MSN: variants seen among roughly 807,000 people sequenced by gnomAD.
The protein encoded by MSN is moesin, also known as epididymis luminal protein 70.
A neutral mutation model predicts 48.0 loss-of-function variants in MSN; 2 were observed. That is an observed-to-expected ratio of 0.04 (90% CI 0.02 to 0.13). MSN has a LOEUF of 0.13. Ranked by LOEUF, MSN falls within the 10% of genes least tolerant of loss-of-function variation. The pLI, the probability that MSN is intolerant of heterozygous loss-of-function variation, is 1.00. For missense variants in MSN, 267 were observed against 470.1 expected, an observed-to-expected ratio of 0.57 and a Z score of 3.99; for synonymous variants, 146 against 166.9, an observed-to-expected ratio of 0.87 and a Z score of 0.97.
At chrX:65,705,238 C>G (rs997047288) in intron 1 of MSN, among the ~76,000 whole-genome samples, 5 of 111,491 alleles carry the variant, frequency 4.5e-5, no homozygotes, top group African/African-American at 1.6e-4. Context: ...GGATTCTGGA[C>G]TGTTTATTTT....
intron 1 of MSN, among the ~76,000 whole-genome samples, chrX:65,599,359 G>A (rs890119456): frequency 8.9e-6 from 1 of 112,392 alleles, no homozygotes; most frequent in African/African-American, 3.2e-5. Context: ...GTAAGGCTGG[G>A]TGCAGTGGCT....
intron 1 of MSN, among the ~76,000 whole-genome samples, chrX:65,681,424 T>C (rs994654451): frequency 9.0e-6 from 1 of 111,619 alleles, no homozygotes; most frequent in Non-Finnish European, 1.9e-5. Flanking sequence ...TGGTCAGTAA[T>C]ATACATGGTG....
At chrX:65,627,612 T>C (rs1318270810) in intron 1 of MSN, among the ~76,000 whole-genome samples, 1 of 111,248 alleles carries the variant, frequency 9.0e-6, no homozygotes, top group Non-Finnish European at 1.9e-5. Flanking sequence ...TACAGTTAAA[T>C]TGAGATTTGG....
intron 2 of MSN, among the ~76,000 whole-genome samples, chrX:65,723,382 C>G (rs1046062815): frequency 9.0e-6 from 1 of 111,579 alleles, no homozygotes; most frequent in Non-Finnish European, 1.9e-5. Flanking sequence ...TCCTACCACA[C>G]CCCCTATGTC....
intron 1 of MSN, among the ~76,000 whole-genome samples, chrX:65,594,393 C>G (rs1351279145): frequency 9.3e-6 from 1 of 108,093 alleles, no homozygotes; most frequent in African/African-American, 3.4e-5. Context: ...TAGGCAGCAG[C>G]AATGGTGGTA....
intron 1 of MSN, among the ~76,000 whole-genome samples, chrX:65,701,555 C>T (rs1262809793): frequency 8.9e-6 from 1 of 111,984 alleles, no homozygotes; most frequent in Non-Finnish European, 1.9e-5. Context: ...TGCTAATTCC[C>T]CAGCGTCTTC....
chrX:65,592,150 T>C lies in MSN; in HGVS notation c.-22+3538T>C, dbSNP rs1450231825. On this transcript the variant is annotated intron_variant, in intron 1 of 3. Transcript: ENST00000609672. ...TCCAAGCAGATGCGGGTCAGTCAGGTCTGAACCAAAGTACTCTAACTGCAT... is the reference window on the plus strand; with the variant it reads ...TCCAAGCAGATGCGGGTCAGTCAGGCCTGAACCAAAGTACTCTAACTGCAT... Among the ~76,000 whole-genome samples, 7 of 106,388 alleles carry C rather than the reference T, an allele frequency of 6.6e-5. No homozygotes were observed. The East Asian group carries it at 2.1e-3, about 31-fold the overall frequency. The allele number at this position is 106,388 out of a possible 115,157, so 92.4% of individuals were successfully genotyped here. A position where few individuals can be genotyped will look rare whatever the true frequency, so the allele number is the denominator to read the frequency against.
intron 1 of MSN, among the ~76,000 whole-genome samples, chrX:65,614,520 C>T (rs868429636): frequency 1.1e-4 from 12 of 108,289 alleles, no homozygotes; most frequent in South Asian, 8.1e-4. Flanking sequence ...GAATGTTTTT[C>T]CCTTTGTTGT....
chrX:65,652,495 A>AG (rs1452063415), intron 1 of MSN, among the ~76,000 whole-genome samples: 1 of 111,253 alleles, frequency 9.0e-6, no homozygotes, highest in East Asian at 2.8e-4. Flanking sequence ...AGAAGCTCTC[A>AG]TTTCTCCTGG....
chrX:65,650,053 T>TC (rs1491199548), intron 1 of MSN, among the ~76,000 whole-genome samples: 2 of 60,517 alleles, frequency 3.3e-5, no homozygotes, highest in African/African-American at 4.3e-4. Context: ...CTTTTTTCTC[T>TC]TTTTTTTTTT....
chrX:65,702,881 T>G (rs1347082891), intron 1 of MSN, among the ~76,000 whole-genome samples: 1 of 111,876 alleles, frequency 8.9e-6, no homozygotes, highest in Non-Finnish European at 1.9e-5. Flanking sequence ...TGTGTTGTGC[T>G]CTGCCTTTCC....
At position 65,617,885 on chromosome X, in the gene MSN, C is replaced by T. The variant is rs192490708; in HGVS notation, c.-22+29273C>T. ...CTCTACAGACTGCTTTGAATGCATC[C>T]CAGAGATTCTGGTATGTTGTGTCTT... On this transcript the variant is annotated intron_variant, in intron 1 of 3. Transcript: ENST00000609672. 1.1e-3 allele frequency among the ~76,000 whole-genome samples: 118 copies of T among 109,668 alleles called. 1 individual carries two copies. Among genetic ancestry groups the T allele is most frequent in the African/African-American group, 3.6e-3 (109 of 30,066 alleles).
At chrX:65,652,804 C>T (rs1170712316) in intron 1 of MSN, among the ~76,000 whole-genome samples, 2 of 111,642 alleles carry the variant, frequency 1.8e-5, no homozygotes, top group Non-Finnish European at 3.8e-5. Flanking sequence ...AGTTTTCTCA[C>T]TTGTAAAATT....
chrX:65,652,269 G>T (rs2070748223), intron 1 of MSN, among the ~76,000 whole-genome samples: 1 of 111,290 alleles, frequency 9.0e-6, no homozygotes, highest in African/African-American at 3.3e-5. Context: ...TCAGGACAGA[G>T]ACCTTTGCCC....
rs375383633 is a variant in MSN, at chrX:65,704,614, G to C, written c.13-12204G>C. ...CTGTTGAAAGCTAAACTTCCAAGCA[G>C]TGCCAGCTTGGAGTTTTTCACGGAA... On this transcript the variant is annotated intron_variant, in intron 1 of 12. Coordinates refer to ENST00000360270, the MANE Select transcript of MSN (RefSeq NM_002444.3). Among the ~76,000 whole-genome samples, 83 of 110,684 alleles carry C rather than the reference G, an allele frequency of 7.5e-4. No homozygotes were observed. In the South Asian group the frequency reaches 0.015, roughly 20 times the overall value.
chrX:65,672,649 A>G (rs747212647), intron 1 of MSN, among the ~76,000 whole-genome samples: 1 of 111,862 alleles, frequency 8.9e-6, no homozygotes, highest in African/African-American at 3.2e-5. Flanking sequence ...CTCTTTCCAT[A>G]TAAGAAGAAC....
intron 1 of MSN, among the ~76,000 whole-genome samples, chrX:65,617,059 A>G (rs1263078753): frequency 1.9e-5 from 2 of 107,955 alleles, no homozygotes; most frequent in Admixed American, 1.9e-4. Context: ...GATGAAGCCC[A>G]CTTGATCATG....
chrX:65,628,838 G>A (rs1398593361), intron 1 of MSN, among the ~76,000 whole-genome samples: 3 of 110,361 alleles, frequency 2.7e-5, no homozygotes, highest in African/African-American at 9.9e-5. Flanking sequence ...GCCGAGGTGG[G>A]CGGATCACCT....
chrX:65,730,099 A>G (rs1262027366), intron 4 of MSN, among the ~76,000 whole-genome samples: 3 of 112,027 alleles, frequency 2.7e-5, no homozygotes, highest in Non-Finnish European at 5.6e-5. Context: ...CAAACCGAGG[A>G]CATGGGGAGC....
Sources: allele counts gnomAD v4.1 joint callset (sites outside exome capture counted in the v4.1 genomes callset), GRCh38; gene constraint gnomAD v4.1.1; transcripts MANE v1.5; gene names NCBI Gene and HGNC (gene_info 2026-07-23, HGNC 2026-07-21).